The following RBPJ variants were observed in gnomAD, a reference collection of about 807,000 sequenced individuals.
The protein encoded by RBPJ is recombination signal binding protein for immunoglobulin kappa J region.
Under a neutral mutation model 67.8 loss-of-function variants are expected in RBPJ, and 9 were observed. The observed-to-expected ratio is 0.13, with a 90% confidence interval of 0.08 to 0.23. The LOEUF (loss-of-function observed/expected upper bound fraction) is 0.23. Ranked by LOEUF, RBPJ falls within the 10% of genes least tolerant of loss-of-function variation. The pLI is 1.00. For synonymous variants in RBPJ, 198 were observed against 203.3 expected (o/e 0.97, Z 0.22); for missense variants, 305 against 595.6 (o/e 0.51, Z 5.08).
chr4:26,323,282 C>G (rs932888728), intron 1 of RBPJ, among the ~76,000 whole-genome samples: 1 of 151,980 alleles, frequency 6.6e-6, no homozygotes, highest in African/African-American at 2.4e-5. Flanking sequence ...CACTGGTTCT[C>G]TGACTGGGAG....
chr4:26,352,834 G>A (rs1726951538), intron 1 of RBPJ, among the ~76,000 whole-genome samples: 1 of 152,244 alleles, frequency 6.6e-6, no homozygotes, highest in South Asian at 2.1e-4. Context: ...ATACTGCCAT[G>A]TAAGTTCTGG....
intron 1 of RBPJ, among the ~76,000 whole-genome samples, chr4:26,244,176 C>CATATATGTACACATATATGTGTCT (rs1719756286): frequency 2.1e-5 from 3 of 146,336 alleles, no homozygotes; most frequent in Admixed American, 2.0e-4. Context: ...TATGTATACA[C>CATATATGTACACATATATGTGTCT]ATATATGTAT....
At chr4:26,320,825 C>T (rs978327335), upstream of RBPJ, 4 of 1,560,476 alleles carry the variant, frequency 2.6e-6, no homozygotes, top group Admixed American at 3.9e-5. Context: ...GGTAGGTTTC[C>T]AGGGAAGGCA....
chr4:26,269,856 A>G (rs1720820942), intron 1 of RBPJ, among the ~76,000 whole-genome samples: 1 of 152,140 alleles, frequency 6.6e-6, no homozygotes. Flanking sequence ...AATTACTTTG[A>G]GGCCAAACTA....
chr4:26,190,425 C>G (rs1717437584), intron 1 of RBPJ, among the ~76,000 whole-genome samples: 1 of 152,174 alleles, frequency 6.6e-6, no homozygotes, highest in African/African-American at 2.4e-5. Flanking sequence ...AAAATGATAA[C>G]TCAAGTTTGA....
At chr4:26,319,472 C>CCCCG (rs1722803617), upstream of RBPJ, among the ~76,000 whole-genome samples, 1 of 151,076 alleles carries the variant, frequency 6.6e-6, no homozygotes, top group African/African-American at 2.4e-5. Flanking sequence ...TCCCTTCCCA[C>CCCCG]CCCGCCCGCG....
At chr4:26,164,051 T>A (rs1269857939) in intron 1 of RBPJ, among the ~76,000 whole-genome samples, 1 of 152,254 alleles carries the variant, frequency 6.6e-6, no homozygotes, top group East Asian at 1.9e-4. Flanking sequence ...AATTTTTAGA[T>A]GTTTTCTTTT....
intron 1 of RBPJ, among the ~76,000 whole-genome samples, chr4:26,322,563 C>T (rs1723196775): frequency 6.6e-6 from 1 of 152,040 alleles, no homozygotes; most frequent in African/African-American, 2.4e-5. Context: ...GAGGACAGCA[C>T]CGAAGAGTGC....
At chr4:26,341,417 C>A (rs2667063) in intron 1 of RBPJ, among the ~76,000 whole-genome samples, 3,590 of 152,188 alleles carry the variant, frequency 0.024, 121 homozygotes, top group African/African-American at 0.071. Flanking sequence ...GAGTTCGAGA[C>A]CAGCCTGTCA....
intron 4 of RBPJ, among the ~76,000 whole-genome samples, chr4:26,417,035 G>C (rs556649581): frequency 1.8e-4 from 28 of 152,212 alleles, no homozygotes; most frequent in African/African-American, 6.5e-4. Flanking sequence ...TTAAGTGGTG[G>C]GTTGATCTAA....
the RBPJ span, among the ~76,000 whole-genome samples, chr4:26,136,868 A>G: frequency 1.3e-5 from 2 of 152,218 alleles, no homozygotes; most frequent in African/African-American, 4.8e-5. Flanking sequence ...TAGATGAGAA[A>G]GGTCACACAG....
intron 7 of RBPJ, among the ~76,000 whole-genome samples, chr4:26,426,800 T>C (rs1482578885): frequency 6.6e-6 from 1 of 152,162 alleles, no homozygotes; most frequent in Admixed American, 6.5e-5. Flanking sequence ...AGGCAGGGGA[T>C]GTATGATGAC....
In RBPJ at chr4:26,430,643, G is replaced by A. The variant is rs765623266; in HGVS notation, c.1149-49G>A. The A allele has an allele frequency of 1.3e-6, 2 of 1,586,168 alleles. No individual in the cohort carries two copies. The highest frequency in any genetic ancestry group is 1.7e-6 in the Non-Finnish European group (2 of 1,159,876). ...TTGTGTTAAGTCTCATTTTTAACAT[G>A]TACTTTGCTTTTTAAAGTGTTTTTA... is the stretch of plus-strand genomic sequence containing the variant. On this transcript the variant is annotated intron_variant, in intron 10 of 10. Coordinates refer to ENST00000355476, the MANE Select transcript of RBPJ (RefSeq NM_015874.6). The surrounding 1 kb of genome is among the most constrained non-coding windows in gnomAD (Gnocchi z 4.1).
rs563676514 is a variant in RBPJ, at chr4:26,396,815, T to C, written c.60-9360T>C. Among the ~76,000 whole-genome samples the C allele has an allele frequency of 4.6e-5, 7 of 152,328 alleles. No homozygotes were observed. The South Asian group carries it at 1.5e-3, about 32-fold the overall frequency. On this transcript the variant is annotated intron_variant, in intron 2 of 10. Coordinates refer to ENST00000355476, the MANE Select transcript of RBPJ (RefSeq NM_015874.6). ...TACTTCTGCTATAAAAAGAGAGGATTGAAGTGAGGTTTGCAGGTGTTTCCT... is the reference window on the plus strand; with the variant it reads ...TACTTCTGCTATAAAAAGAGAGGATCGAAGTGAGGTTTGCAGGTGTTTCCT...
the RBPJ span, among the ~76,000 whole-genome samples, chr4:26,138,663 G>T: frequency 6.6e-6 from 1 of 152,226 alleles, no homozygotes; most frequent in African/African-American, 2.4e-5. Flanking sequence ...CCCCAAAGCT[G>T]AGGGCAGAGG....
intron 1 of RBPJ, among the ~76,000 whole-genome samples, chr4:26,263,430 A>T (rs1398668334): frequency 6.6e-6 from 1 of 151,960 alleles, no homozygotes; most frequent in Non-Finnish European, 1.5e-5. Context: ...CTACCTGGGC[A>T]AAGAAGCAAA....
At chr4:26,325,893 G>C (rs1387904444) in intron 1 of RBPJ, among the ~76,000 whole-genome samples, 1 of 152,126 alleles carries the variant, frequency 6.6e-6, no homozygotes, top group Non-Finnish European at 1.5e-5. Context: ...TTGGTGCCTG[G>C]CTGTATAAAT....
At chr4:26,192,031 C>T (rs1301974902) in intron 1 of RBPJ, among the ~76,000 whole-genome samples, 1 of 141,876 alleles carries the variant, frequency 7.0e-6, no homozygotes, top group Non-Finnish European at 1.5e-5. Context: ...TTTTTTGAGG[C>T]AGAGTCTCAC....
At chr4:26,160,036 A>G (rs1021600923), upstream of RBPJ, among the ~76,000 whole-genome samples, 3 of 151,858 alleles carry the variant, frequency 2.0e-5, no homozygotes, top group Non-Finnish European at 4.4e-5. Context: ...CTCCTGCCTC[A>G]GCCTCCTAAG....
Sources: gnomAD v4.1 joint callset for allele counts (sites outside exome capture counted in the v4.1 genomes callset) on GRCh38, gnomAD v4.1.1 for gene constraint, Gnocchi (gnomAD v3.1) non-coding constraint, MANE v1.5 for transcripts, NCBI Gene and HGNC (gene_info 2026-07-23, HGNC 2026-07-21) for gene names.